Variants in CACNG2 observed in about 807,000 individuals in gnomAD.
CACNG2 encodes the protein calcium voltage-gated channel auxiliary subunit gamma 2.
In CACNG2, 3 loss-of-function variants were observed where a neutral mutation model predicts 25.9. That is an observed-to-expected ratio of 0.12 (90% CI 0.05 to 0.30). CACNG2 has a LOEUF of 0.30. Ranked by LOEUF, CACNG2 falls within the 10% of genes least tolerant of loss-of-function variation. The pLI, the probability that CACNG2 is intolerant of heterozygous loss-of-function variation, is 1.00. For missense variants in CACNG2, 341 were observed against 432.5 expected, an observed-to-expected ratio of 0.79 and a Z score of 1.88; for synonymous variants, 167 against 173.3, an observed-to-expected ratio of 0.96 and a Z score of 0.29.
intron 1 of CACNG2, among the ~76,000 whole-genome samples, chr22:36,686,716 G>A (rs187811423): frequency 6.6e-6 from 1 of 152,342 alleles, no homozygotes; most frequent in Admixed American, 6.5e-5. Flanking sequence ...TGGGACCCGG[G>A]CACAGGGGTT....
intron 2 of CACNG2, among the ~76,000 whole-genome samples, chr22:36,570,544 G>T (rs12169365): frequency 6.6e-6 from 1 of 152,054 alleles, no homozygotes; most frequent in East Asian, 1.9e-4. Flanking sequence ...TGGATCACCT[G>T]AGGTCAGGAG....
intron 1 of CACNG2, among the ~76,000 whole-genome samples, chr22:36,701,258 G>A (rs1937408322): frequency 6.6e-6 from 1 of 152,190 alleles, no homozygotes; most frequent in South Asian, 2.1e-4. Context: ...CTATCTATGG[G>A]TGGCTGTAGC....
chr22:36,651,575 T>A (rs1353928599), intron 1 of CACNG2, among the ~76,000 whole-genome samples: 1 of 152,188 alleles, frequency 6.6e-6, no homozygotes, highest in South Asian at 2.1e-4. Flanking sequence ...CATTTTGAAC[T>A]GGGCCCTGCA....
chr22:36,675,338 C>T (rs1937006603), intron 1 of CACNG2, among the ~76,000 whole-genome samples: 1 of 152,130 alleles, frequency 6.6e-6, no homozygotes, highest in Admixed American at 6.5e-5. Flanking sequence ...GCCACCATGC[C>T]TGGCTTAAAT....
intron 1 of CACNG2, among the ~76,000 whole-genome samples, chr22:36,656,622 T>C (rs1936709149): frequency 6.6e-6 from 1 of 151,124 alleles, no homozygotes; most frequent in Admixed American, 6.6e-5. Context: ...CTCCAACAGC[T>C]CCCACGACGC....
At chr22:36,682,355 C>T (rs1937135570) in intron 1 of CACNG2, among the ~76,000 whole-genome samples, 1 of 152,210 alleles carries the variant, frequency 6.6e-6, no homozygotes, top group Admixed American at 6.5e-5. Flanking sequence ...ACAGATTTTG[C>T]ATGGTGGTTG....
intron 1 of CACNG2, among the ~76,000 whole-genome samples, chr22:36,676,089 C>T (rs1937016236): frequency 6.6e-6 from 1 of 152,114 alleles, no homozygotes; most frequent in Non-Finnish European, 1.5e-5. Flanking sequence ...TGTGGTCTCG[C>T]CCCACCCCTC....
intron 1 of CACNG2, among the ~76,000 whole-genome samples, chr22:36,622,297 C>G (rs965302525): frequency 6.6e-6 from 1 of 152,234 alleles, no homozygotes; most frequent in Admixed American, 6.5e-5. Context: ...TCCCGCAGGG[C>G]TTGTGGAAAT....
intron 1 of CACNG2, among the ~76,000 whole-genome samples, chr22:36,594,081 G>GTGA (rs1186062986): frequency 6.6e-6 from 1 of 152,144 alleles, no homozygotes; most frequent in East Asian, 1.9e-4. Flanking sequence ...CCCAGGGGTT[G>GTGA]TGATGGCTTC....
At chr22:36,655,793 C>T (rs1451697590) in intron 1 of CACNG2, among the ~76,000 whole-genome samples, 2 of 122,040 alleles carry the variant, frequency 1.6e-5, no homozygotes, top group African/African-American at 3.1e-5. Context: ...TCCTTCCTTC[C>T]TTCTTTCTTC....
intron 1 of CACNG2, among the ~76,000 whole-genome samples, chr22:36,677,342 A>T (rs1937033538): frequency 1.3e-5 from 2 of 152,196 alleles, no homozygotes; most frequent in South Asian, 2.1e-4. Flanking sequence ...CCTAAGGAAT[A>T]GGAAGCATTG....
At chr22:36,612,149 C>G (rs1209584262) in intron 1 of CACNG2, among the ~76,000 whole-genome samples, 1 of 152,114 alleles carries the variant, frequency 6.6e-6, no homozygotes, top group Non-Finnish European at 1.5e-5. Context: ...GAAGAACCAG[C>G]CTGTGTGGGT....
chr22:36,697,725 T>C (rs571966085), intron 1 of CACNG2, among the ~76,000 whole-genome samples: 1 of 152,116 alleles, frequency 6.6e-6, no homozygotes, highest in South Asian at 2.1e-4. Flanking sequence ...TGAGGGAAAG[T>C]TGTCAGGGTT....
chr22:36,622,383 A>G (rs1402170926), intron 1 of CACNG2, among the ~76,000 whole-genome samples: 1 of 152,232 alleles, frequency 6.6e-6, no homozygotes, highest in Non-Finnish European at 1.5e-5. Context: ...TGCCTTCCTA[A>G]TAAGTTCCCC....
chr22:36,627,762 A>G (rs1727027918), intron 1 of CACNG2, among the ~76,000 whole-genome samples: 1 of 151,900 alleles, frequency 6.6e-6, no homozygotes, highest in Non-Finnish European at 1.5e-5. Flanking sequence ...AGCTGGGACT[A>G]CAGGCGTGCG....
chr22:36,581,571 T>A (rs1015415131), intron 2 of CACNG2, among the ~76,000 whole-genome samples: 2 of 152,152 alleles, frequency 1.3e-5, no homozygotes, highest in African/African-American at 4.8e-5. Context: ...ACATCCCCAG[T>A]CCAGCTGGTG....
chr22:36,691,758 C>T (rs1937270393), intron 1 of CACNG2, among the ~76,000 whole-genome samples: 1 of 152,074 alleles, frequency 6.6e-6, no homozygotes. Flanking sequence ...TAAATAAGAG[C>T]CTCTGGAGAG....
intron 1 of CACNG2, among the ~76,000 whole-genome samples, chr22:36,599,621 G>T (rs1025522465): frequency 1.3e-5 from 2 of 152,124 alleles, no homozygotes; most frequent in Non-Finnish European, 2.9e-5. Flanking sequence ...GACTGCTAGA[G>T]CCTGGGAGGT....
chr22:36,689,607 T>G (rs1367335977), intron 1 of CACNG2, among the ~76,000 whole-genome samples: 3 of 152,212 alleles, frequency 2.0e-5, no homozygotes, highest in African/African-American at 7.2e-5. Context: ...ACTGGACAAT[T>G]TTTCCTACCC....
Sources: gnomAD v4.1 joint callset for allele counts (sites outside exome capture counted in the v4.1 genomes callset) on GRCh38, gnomAD v4.1.1 for gene constraint, MANE v1.5 for transcripts, NCBI Gene and HGNC (gene_info 2026-07-23, HGNC 2026-07-21) for gene names.